The following RBFOX1 variants were observed in gnomAD, a reference collection of about 807,000 sequenced individuals.
RBFOX1 encodes RNA binding fox-1 homolog 1.
Under a neutral mutation model 57.7 loss-of-function variants are expected in RBFOX1, and 8 were observed. The observed-to-expected ratio is 0.14, with a 90% confidence interval of 0.08 to 0.25. RBFOX1 has a LOEUF of 0.25. RBFOX1 is among the 10% of genes least tolerant of loss of function. The pLI, the probability that RBFOX1 is intolerant of heterozygous loss-of-function variation, is 1.00. For missense variants in RBFOX1, 611 were observed against 548.5 expected, an observed-to-expected ratio of 1.11 and a Z score of -1.14; for synonymous variants, 326 against 222.4, an observed-to-expected ratio of 1.47 and a Z score of -4.15.
chr16:6,133,271 G>C (rs982181521), intron 1 of RBFOX1, among the ~76,000 whole-genome samples: 3 of 152,132 alleles, frequency 2.0e-5, no homozygotes, highest in Admixed American at 2.0e-4. Context: ...AGAGTTGATT[G>C]TGCTATCTTC....
At chr16:5,364,557 C>G (rs1378405342) in intron 1 of RBFOX1, among the ~76,000 whole-genome samples, 1 of 152,196 alleles carries the variant, frequency 6.6e-6, no homozygotes, top group Non-Finnish European at 1.5e-5. Flanking sequence ...AGATTTTTCT[C>G]TTTGTGATGA....
At chr16:5,899,727 G>T (rs112476462) in intron 4 of RBFOX1, among the ~76,000 whole-genome samples, 220 of 152,286 alleles carry the variant, frequency 1.4e-3, no homozygotes, top group African/African-American at 5.0e-3. Context: ...ATTCCAACCC[G>T]CCTGGTCCAT....
chr16:6,553,203 C>A (rs76971562), intron 2 of RBFOX1, among the ~76,000 whole-genome samples: 5 of 152,122 alleles, frequency 3.3e-5, no homozygotes, highest in African/African-American at 9.7e-5. Flanking sequence ...GCTCTTCTCA[C>A]GCTATGGATT....
intron 3 of RBFOX1, among the ~76,000 whole-genome samples, chr16:6,727,411 C>T (rs931619680): frequency 6.6e-6 from 1 of 151,784 alleles, no homozygotes; most frequent in African/African-American, 2.4e-5. Context: ...TACAATTGTT[C>T]CTGGTTTTTT....
intron 3 of RBFOX1, among the ~76,000 whole-genome samples, chr16:6,733,688 G>A (rs1038809501): frequency 1.3e-5 from 2 of 152,112 alleles, no homozygotes; most frequent in African/African-American, 4.8e-5. Context: ...AGCCCAGAAG[G>A]TTGAGGCTGC....
At chr16:7,104,645 C>T (rs142508616) in intron 4 of RBFOX1, among the ~76,000 whole-genome samples, 158 of 152,202 alleles carry the variant, frequency 1.0e-3, no homozygotes, top group African/African-American at 3.7e-3. Flanking sequence ...GTATTTACAT[C>T]GGGACACCAG....
intron 1 of RBFOX1, among the ~76,000 whole-genome samples, chr16:6,158,475 A>G (rs2096854368): frequency 6.6e-6 from 1 of 152,186 alleles, no homozygotes; most frequent in African/African-American, 2.4e-5. Flanking sequence ...TGATTTTTAT[A>G]TAAAACTCAG....
At chr16:7,269,881 C>G (rs1186103822) in intron 4 of RBFOX1, among the ~76,000 whole-genome samples, 2 of 152,156 alleles carry the variant, frequency 1.3e-5, no homozygotes, top group Non-Finnish European at 2.9e-5. Flanking sequence ...ATAACCATAG[C>G]GTATTAGCAT....
At chr16:7,417,215 C>T (rs1597915217) in intron 4 of RBFOX1, among the ~76,000 whole-genome samples, 1 of 151,736 alleles carries the variant, frequency 6.6e-6, no homozygotes, top group African/African-American at 2.4e-5. Context: ...ACTAAAAATA[C>T]AAAAAATACT....
At chr16:5,814,678 C>T (rs905514592) in intron 3 of RBFOX1, among the ~76,000 whole-genome samples, 1 of 152,196 alleles carries the variant, frequency 6.6e-6, no homozygotes, top group African/African-American at 2.4e-5. Context: ...CCTGTAATCC[C>T]AGCACTTTGG....
intron 1 of RBFOX1, among the ~76,000 whole-genome samples, chr16:6,222,058 G>A (rs1296190953): frequency 6.6e-6 from 1 of 152,134 alleles, no homozygotes; most frequent in Admixed American, 6.6e-5. Flanking sequence ...TATTTAAGAA[G>A]TATGGAAGGG....
intron 4 of RBFOX1, among the ~76,000 whole-genome samples, chr16:7,373,588 A>T (rs1478081738): frequency 6.6e-6 from 1 of 152,218 alleles, no homozygotes; most frequent in East Asian, 1.9e-4. Flanking sequence ...AATAAGGTCC[A>T]CAGCCAGTCT....
intron 2 of RBFOX1, among the ~76,000 whole-genome samples, chr16:6,632,240 C>T (rs1350100863): frequency 6.6e-6 from 1 of 151,938 alleles, no homozygotes; most frequent in Non-Finnish European, 1.5e-5. Context: ...GTCTGTTTTC[C>T]CTGCATGCTA....
chr16:7,379,031 A>G (rs1429376410), intron 4 of RBFOX1, among the ~76,000 whole-genome samples: 1 of 152,224 alleles, frequency 6.6e-6, no homozygotes, highest in African/African-American at 2.4e-5. Flanking sequence ...TACTTTATCT[A>G]TGACCTGGCA....
At chr16:6,483,235 G>A (rs912146763) in intron 2 of RBFOX1, 65 of 1,232,134 alleles carry the variant, frequency 5.3e-5, no homozygotes, top group Non-Finnish European at 6.5e-5. Flanking sequence ...GGGCCCTGGC[G>A]CCGCCGTGGC....
chr16:7,254,520 C>G (rs542651103), intron 4 of RBFOX1, among the ~76,000 whole-genome samples: 1 of 151,724 alleles, frequency 6.6e-6, no homozygotes, highest in Non-Finnish European at 1.5e-5. Flanking sequence ...CAATATATGC[C>G]CATTTTAGGT....
intron 13 of RBFOX1, among the ~76,000 whole-genome samples, chr16:7,676,080 T>C (rs188867178): frequency 7.4e-4 from 112 of 152,356 alleles, no homozygotes; most frequent in Non-Finnish European, 9.3e-4. Flanking sequence ...ATTTTTTCTG[T>C]TAATGATTTT....
chr16:5,314,264 C>A (rs2064170878), intron 1 of RBFOX1, among the ~76,000 whole-genome samples: 1 of 152,200 alleles, frequency 6.6e-6, no homozygotes, highest in African/African-American at 2.4e-5. Context: ...GCAGACCCAA[C>A]AGATAACCAG....
At chr16:7,140,157 C>CCACTCT (rs1337651557) in intron 4 of RBFOX1, among the ~76,000 whole-genome samples, 1 of 70,868 alleles carries the variant, frequency 1.4e-5, no homozygotes, top group Admixed American at 1.5e-4. Flanking sequence ...TCCTTCTCTC[C>CCACTCT]CTCTCTCTCT....
Sources: gnomAD v4.1 joint callset for allele counts (sites outside exome capture counted in the v4.1 genomes callset) on GRCh38, gnomAD v4.1.1 for gene constraint, MANE v1.5 for transcripts, NCBI Gene and HGNC (gene_info 2026-07-23, HGNC 2026-07-21) for gene names.